The following KLF17 variants were observed in gnomAD, a reference collection of about 807,000 sequenced individuals.
KLF17 encodes the protein KLF transcription factor 17.
A neutral mutation model predicts 34.2 loss-of-function variants in KLF17; 31 were observed. The observed-to-expected ratio is 0.91, with a 90% CI of 0.68 to 1.22. KLF17 has a LOEUF of 1.22. Among genes scored for constraint, KLF17 ranks in the 50% most tolerant of loss-of-function variants. The probability of loss-of-function intolerance (pLI) is 0.00; values close to 1 mark genes in which losing one functional copy is unlikely to be tolerated. For synonymous variants in KLF17, 179 were observed against 186.7 expected (o/e 0.96, Z 0.34); for missense variants, 478 against 505.2 (o/e 0.95, Z 0.52).
the KLF17 span, among the ~76,000 whole-genome samples, chr1:44,109,104 G>A: frequency 2.6e-5 from 4 of 152,276 alleles, no homozygotes; most frequent in East Asian, 3.9e-4. Context: ...GCTACTGACC[G>A]ATGAGGAGTT....
the KLF17 span, chr1:44,103,951 C>T: frequency 5.8e-6 from 5 of 864,956 alleles, no homozygotes; most frequent in Middle Eastern, 7.5e-4. Context: ...TCAGCCTCAG[C>T]CCGCCTGCGG....
At chr1:44,085,107 T>A in the KLF17 span, among the ~76,000 whole-genome samples, 1 of 151,390 alleles carries the variant, frequency 6.6e-6, no homozygotes, top group African/African-American at 2.4e-5. Flanking sequence ...TATATATATG[T>A]GTGTGTATAT....
At chr1:44,117,171 A>G (rs1381577160), upstream of KLF17, 1 of 152,056 alleles carries the variant, frequency 6.6e-6, no homozygotes, top group Non-Finnish European at 1.5e-5. Flanking sequence ...CCCATTACCA[A>G]TCAGCATAGG....
At chr1:44,131,578 T>C (rs763260330) in intron 3 of KLF17, among the ~76,000 whole-genome samples, 6 of 152,212 alleles carry the variant, frequency 3.9e-5, no homozygotes, top group East Asian at 1.9e-4. Flanking sequence ...TGGCACTCAC[T>C]GGCCATGTAC....
chr1:44,067,983 C>T, the KLF17 span, among the ~76,000 whole-genome samples: 17 of 152,208 alleles, frequency 1.1e-4, no homozygotes, highest in African/African-American at 4.1e-4. Context: ...TCTTCCCCAT[C>T]TGGGCATGAG....
chr1:44,128,474 C>T (rs539774419), intron 1 of KLF17, among the ~76,000 whole-genome samples: 66 of 152,294 alleles, frequency 4.3e-4, no homozygotes, highest in African/African-American at 1.5e-3. Context: ...TCCAGACAAC[C>T]CCCATCCCTT....
the KLF17 span, chr1:44,104,819 AACTACAGC>A: frequency 0.14 from 26,712 of 186,036 alleles, 2,443 homozygotes; most frequent in Admixed American, 0.19. Context: ...GGAATGACTG[AACTACAGC>A]ACTATGAATC....
chr1:44,051,517 C>A, the KLF17 span: 63,566 of 151,734 alleles, frequency 0.42, 14,478 homozygotes, highest in Admixed American at 0.5. Context: ...CCCACCCCCA[C>A]CCCAATAACA....
chr1:44,083,517 C>T, the KLF17 span, among the ~76,000 whole-genome samples: 4 of 152,088 alleles, frequency 2.6e-5, no homozygotes, highest in Non-Finnish European at 5.9e-5. Context: ...GGCACAAGAG[C>T]CAGGCGCGGT....
At chr1:44,124,889 C>T (rs2087990914) in intron 1 of KLF17, among the ~76,000 whole-genome samples, 1 of 152,130 alleles carries the variant, frequency 6.6e-6, no homozygotes, top group Non-Finnish European at 1.5e-5. Context: ...TGAATTTATA[C>T]CAGATTAACT....
At chr1:44,099,760 A>G in the KLF17 span, among the ~76,000 whole-genome samples, 1 of 150,794 alleles carries the variant, frequency 6.6e-6, no homozygotes, top group Non-Finnish European at 1.5e-5. Flanking sequence ...GTTGTGGTTG[A>G]GCCGAGATTG....
chr1:44,115,450 C>CAAAAAAAAAAAAAAAAAAAAAACA (rs2087870795), upstream of KLF17: 1 of 74,674 alleles, frequency 1.3e-5, no homozygotes, highest in Non-Finnish European at 2.3e-5. Flanking sequence ...GACTCTGTGT[C>CAAAAAAAAAAAAAAAAAAAAAACA]AAAAAAAAAA....
the KLF17 span, among the ~76,000 whole-genome samples, chr1:44,095,804 T>C: frequency 7.8e-6 from 1 of 128,514 alleles, no homozygotes; most frequent in Non-Finnish European, 1.8e-5. Flanking sequence ...GAGATTACTT[T>C]CTTGGGGTTT....
At chr1:44,102,318 A>G in the KLF17 span, among the ~76,000 whole-genome samples, 49,304 of 151,850 alleles carry the variant, frequency 0.32, 8,156 homozygotes, top group South Asian at 0.38. Flanking sequence ...CAGATCACTT[A>G]AGGCGGACAG....
chr1:44,098,614 G>A, the KLF17 span, among the ~76,000 whole-genome samples: 2 of 140,312 alleles, frequency 1.4e-5, no homozygotes, highest in East Asian at 4.2e-4. Flanking sequence ...GCAGTGGCAC[G>A]ATCTCGGCTC....
chr1:44,044,034 G>A, the KLF17 span: 1 of 152,740 alleles, frequency 6.5e-6, no homozygotes, highest in South Asian at 2.1e-4. Context: ...GACCCATTCT[G>A]TGTAACCAGC....
the KLF17 span, among the ~76,000 whole-genome samples, chr1:44,078,630 G>T: frequency 1.3e-5 from 2 of 152,072 alleles, no homozygotes; most frequent in African/African-American, 4.8e-5. Flanking sequence ...TAGAGACAGG[G>T]TTTCACCGTG....
chr1:44,113,672 T>C, the KLF17 span: 1 of 152,256 alleles, frequency 6.6e-6, no homozygotes, highest in Non-Finnish European at 1.5e-5. Flanking sequence ...TGTGATTTGA[T>C]GGCTACTTGT....
the KLF17 span, chr1:44,103,802 T>C: frequency 1.0e-5 from 9 of 862,384 alleles, no homozygotes; most frequent in African/African-American, 1.3e-4. Context: ...CCCTCTGGCC[T>C]TTGAGGCACT....
Sources: gnomAD v4.1 joint callset for allele counts (sites outside exome capture counted in the v4.1 genomes callset) on GRCh38, gnomAD v4.1.1 for gene constraint, MANE v1.5 for transcripts, NCBI Gene and HGNC (gene_info 2026-07-23, HGNC 2026-07-21) for gene names.